Variants in RPA3 observed in about 807,000 individuals in gnomAD.
RPA3 encodes replication protein A3, also known as replication protein A 14 kDa subunit.
RPA3 carries 24 observed loss-of-function variants against 13.7 expected under a neutral mutation model. The ratio of observed to expected loss-of-function variants is 1.75; its 90% CI spans 1.27 to 2.46. RPA3 has a LOEUF of 2.46. Ranked by LOEUF, RPA3 falls within the 30% of genes most tolerant of loss-of-function variation. RPA3 has a pLI of 0.00. For synonymous variants in RPA3, 59 were observed against 51.2 expected (o/e 1.15, Z -0.65); for missense variants, 183 against 151.0 (o/e 1.21, Z -1.11).
intron 5 of RPA3, chr7:7,639,976 A>G (rs1267620203): frequency 3.3e-6 from 1 of 300,602 alleles, no homozygotes; most frequent in African/African-American, 2.3e-5. Flanking sequence ...AAACCAGCAG[A>G]TTAGTTTTGT....
chr7:7,718,435 A>G (rs147920564), intron 1 of RPA3, 80 bp downstream of exon 1: 2 of 152,336 alleles, frequency 1.3e-5, no homozygotes, highest in African/African-American at 4.8e-5. Flanking sequence ...AAACTTGACT[A>G]TGTGTGTCTT....
At chr7:7,702,434 GA>G (rs1780482944) in intron 2 of RPA3, among the ~76,000 whole-genome samples, 1 of 151,972 alleles carries the variant, frequency 6.6e-6, no homozygotes, top group African/African-American at 2.4e-5. Context: ...ACTATAATAC[GA>G]AAATTCTGGT....
chr7:7,677,895 G>A (rs563358807), intron 4 of RPA3, among the ~76,000 whole-genome samples: 5 of 151,566 alleles, frequency 3.3e-5, no homozygotes, highest in African/African-American at 1.2e-4. Context: ...GGATGGTCTC[G>A]ATCTCCTGAC....
At chr7:7,639,227 G>A in intron 5 of RPA3, 83 bp from the exon 6 acceptor site, 1 of 941,546 alleles carries the variant, frequency 1.1e-6, no homozygotes, top group South Asian at 1.7e-5. Flanking sequence ...CCTTAGTTGA[G>A]CACAAATCAA....
chr7:7,665,728 T>C (rs75436076), intron 4 of RPA3, among the ~76,000 whole-genome samples: 1,898 of 152,260 alleles, frequency 0.012, 48 homozygotes, highest in African/African-American at 0.044. Context: ...TCTGATATAC[T>C]TTCTTTCACT....
Position 7,685,898 on chromosome 7 carries a change from A to G in RPA3, c.-826T>C, listed in dbSNP as rs750006008. ...TAAATTAGTGTCGTATCTTTTTTTG[A>G]TTGTAGTAATCAGTAAGTGAACATT... On this transcript the variant is annotated 5_prime_UTR_variant, in exon 4 of 8. Transcript: ENST00000223129. 1.3e-5 allele frequency: 2 copies of G among 152,106 alleles called. No homozygotes were observed. Among genetic ancestry groups the G allele is most frequent in the Non-Finnish European group, 2.9e-5 (2 of 67,990 alleles). The allele number at this position is 152,106 out of a possible 1,614,324, so 9.4% of individuals were successfully genotyped here. A position where few individuals can be genotyped will look rare whatever the true frequency, so the allele number is the denominator to read the frequency against.
At chr7:7,704,635 A>G (rs6966726) in intron 2 of RPA3, among the ~76,000 whole-genome samples, 63,987 of 147,980 alleles carry the variant, frequency 0.43, 14,261 homozygotes, top group African/African-American at 0.51. Context: ...GGGCATGGTC[A>G]TGCACGTCTG....
chr7:7,656,388 A>G (rs1186095513), intron 4 of RPA3, among the ~76,000 whole-genome samples: 3 of 150,228 alleles, frequency 2.0e-5, no homozygotes, highest in Non-Finnish European at 4.5e-5. Context: ...TCATAGGTAT[A>G]CACGTGCCAT....
intron 2 of RPA3, among the ~76,000 whole-genome samples, chr7:7,714,326 T>G (rs1380699534): frequency 6.6e-6 from 1 of 152,244 alleles, no homozygotes; most frequent in African/African-American, 2.4e-5. Flanking sequence ...TTTCTTTGGC[T>G]GCTCCAGCAG....
intron 4 of RPA3, among the ~76,000 whole-genome samples, chr7:7,669,828 A>C (rs970014620): frequency 3.3e-5 from 5 of 152,164 alleles, no homozygotes; most frequent in Admixed American, 1.3e-4. Context: ...TGCCATTCTC[A>C]GTTCTTTTCT....
chr7:7,670,390 T>C (rs1284916725), intron 4 of RPA3, among the ~76,000 whole-genome samples: 1 of 152,186 alleles, frequency 6.6e-6, no homozygotes, highest in Non-Finnish European at 1.5e-5. Flanking sequence ...TCTAATGGCA[T>C]GTGGCACAGT....
At chr7:7,648,139 C>A (rs144315990) in intron 4 of RPA3, among the ~76,000 whole-genome samples, 2 of 152,276 alleles carry the variant, frequency 1.3e-5, no homozygotes, top group East Asian at 3.9e-4. Flanking sequence ...GCTCCAGTGG[C>A]CTCCTTCTTC....
intron 2 of RPA3, among the ~76,000 whole-genome samples, chr7:7,703,859 T>C (rs1780528240): frequency 1.3e-5 from 2 of 152,052 alleles, no homozygotes; most frequent in Non-Finnish European, 2.9e-5. Context: ...GGAGGATTGC[T>C]TGAGCCTGGG....
intron 4 of RPA3, among the ~76,000 whole-genome samples, chr7:7,651,315 G>C (rs930461208): frequency 3.3e-5 from 5 of 152,164 alleles, no homozygotes; most frequent in African/African-American, 1.2e-4. Context: ...GACAAGGGTG[G>C]GCTTGGCTTG....
chr7:7,670,440 G>C (rs1331827049), intron 4 of RPA3, among the ~76,000 whole-genome samples: 2 of 152,172 alleles, frequency 1.3e-5, no homozygotes, highest in Admixed American at 6.5e-5. Flanking sequence ...ACTCCAGGGA[G>C]GGAAGAGAAA....
intron 2 of RPA3, among the ~76,000 whole-genome samples, chr7:7,694,508 A>T (rs1273429658): frequency 6.6e-6 from 1 of 152,038 alleles, no homozygotes; most frequent in East Asian, 1.9e-4. Flanking sequence ...GTACCCATTA[A>T]CCATCTCCAT....
intron 2 of RPA3, among the ~76,000 whole-genome samples, chr7:7,703,295 G>A (rs911581442): frequency 4.6e-5 from 7 of 152,090 alleles, no homozygotes; most frequent in African/African-American, 1.2e-4. Flanking sequence ...TATGGAATTC[G>A]TGTGTTCTCA....
intron 2 of RPA3, among the ~76,000 whole-genome samples, chr7:7,689,889 C>A (rs1780133983): frequency 6.6e-6 from 1 of 152,112 alleles, no homozygotes; most frequent in East Asian, 1.9e-4. Flanking sequence ...GATTAACAAC[C>A]ATAGTAATTG....
intron 4 of RPA3, among the ~76,000 whole-genome samples, chr7:7,660,741 CT>C (rs1785454198): frequency 6.6e-6 from 1 of 152,108 alleles, no homozygotes; most frequent in African/African-American, 2.4e-5. Flanking sequence ...ACATTTTTTC[CT>C]TCATTTCAAC....
Sources: gnomAD v4.1 joint callset for allele counts (sites outside exome capture counted in the v4.1 genomes callset) on GRCh38, gnomAD v4.1.1 for gene constraint, MANE v1.5 for transcripts, NCBI Gene and HGNC (gene_info 2026-07-23, HGNC 2026-07-21) for gene names.